PIK3C2B: variants seen among roughly 807,000 people sequenced by gnomAD.
The protein encoded by PIK3C2B is phosphatidylinositol-4-phosphate 3-kinase catalytic subunit type 2 beta.
In PIK3C2B, 83 loss-of-function variants were observed where a neutral mutation model predicts 184.3. That is an observed-to-expected ratio of 0.45 (90% CI 0.38 to 0.54). PIK3C2B has a LOEUF of 0.54. Ranked by LOEUF, PIK3C2B falls within the 20% of genes least tolerant of loss-of-function variation. The pLI is 0.00. For synonymous variants in PIK3C2B, 779 were observed against 837.6 expected, an observed-to-expected ratio of 0.93 and a Z score of 1.21; for missense variants, 1,736 against 2,113.5, an observed-to-expected ratio of 0.82 and a Z score of 3.50.
chr1:204,435,269 G>A (rs1258161518), intron 23 of PIK3C2B: 1 of 152,142 alleles, frequency 6.6e-6, no homozygotes, highest in Non-Finnish European at 1.5e-5. Flanking sequence ...AGCAGGAGAG[G>A]AGTGGTGAGG....
intron 30 of PIK3C2B, 81 bp from the exon 31 acceptor site, chr1:204,427,835 C>A: frequency 1.1e-6 from 1 of 946,314 alleles, no homozygotes. Flanking sequence ...CTTGCCCCAG[C>A]CTCTCCATGT....
Position 204,468,965 on chromosome 1 carries a change from T to C in PIK3C2B, c.838A>G (p.Met280Val), listed in dbSNP as rs1268038532. 10 of 1,614,184 alleles carry C rather than the reference T, an allele frequency of 6.2e-6. No individual in the cohort carries two copies. The highest frequency in any genetic ancestry group is 2.2e-5 in the East Asian group (1 of 44,880). ...SGKPVARSKT[M>V]PPQVPPRTYA... Reference sequence around the variant, plus strand: ...GTGCGGGGGGGCACCTGAGGGGGCATAGTCTTGCTCCTGGCCACGGGTTTT... The same window carrying C: ...GTGCGGGGGGGCACCTGAGGGGGCACAGTCTTGCTCCTGGCCACGGGTTTT... The change falls in exon 2 of 33, where the codon ATG (methionine) becomes GTG (valine). Residue 280 changes from methionine to valine, a missense_variant. Coordinates refer to ENST00000684373, the MANE Select transcript of PIK3C2B (RefSeq NM_001377334.1).
At chr1:204,444,575 A>C (rs1453914311) in intron 16 of PIK3C2B, 151 bp from the exon 17 acceptor site, 1 of 624,674 alleles carries the variant, frequency 1.6e-6, no homozygotes, top group Non-Finnish European at 2.8e-6. Flanking sequence ...AATCCTTAGC[A>C]ACTTCCCTGG....
At chr1:204,425,810 G>A (rs1211417775) in intron 31 of PIK3C2B, 69 bp from the exon 32 acceptor site, 2 of 1,439,402 alleles carry the variant, frequency 1.4e-6, no homozygotes, top group Non-Finnish European at 1.9e-6. Flanking sequence ...CCATTCCTGT[G>A]ATCACACTCT....
intron 12 of PIK3C2B, among the ~76,000 whole-genome samples, chr1:204,452,989 C>T (rs1350907339): frequency 6.6e-6 from 1 of 152,044 alleles, no homozygotes; most frequent in African/African-American, 2.4e-5. Flanking sequence ...TAAGAATTAC[C>T]TAAGTGTGAA....
rs945262876 is a variant in PIK3C2B, at chr1:204,459,090, CTA to C, written c.1566+786_1566+787del. Among the ~76,000 whole-genome samples the C allele has an allele frequency of 1.6e-4, 4 of 24,424 alleles. No individual in the cohort carries two copies. In the Non-Finnish European group the frequency reaches 5.1e-3, roughly 31 times the overall value. 16.0% of individuals were successfully genotyped at this position (24,424 alleles called of 152,430 possible). ...AGTGCAATGGTGTGATCATAGCTCA[CTA>C]CACAGCCCCAAACTCCTGGGCTCAA... On this transcript the variant is annotated intron_variant, in intron 8 of 32. Coordinates refer to ENST00000684373, the MANE Select transcript of PIK3C2B (RefSeq NM_001377334.1).
Position 204,469,673 on chromosome 1 carries a change from T to C in PIK3C2B, c.130A>G (p.Lys44Glu), listed in dbSNP as rs371498181. 7.4e-6 allele frequency: 12 copies of C among 1,613,876 alleles called. No homozygotes were observed. The highest frequency in any genetic ancestry group is 1.0e-5 in the Non-Finnish European group (12 of 1,179,984). ...YDALSRLRHD[K>E]EENRAKQNAD... ...TTCTGCTTGGCTCTGTTCTCCTCCT[T>C]GTCATGCCGGAGCCGGGACAGGGCA... The change falls in exon 2 of 33, where the codon AAG becomes GAG. Residue 44 changes from lysine (K) to glutamate (E), a missense_variant. Coordinates refer to ENST00000684373, the MANE Select transcript of PIK3C2B (RefSeq NM_001377334.1).
chr1:204,458,828 C>T (rs1655085476), intron 8 of PIK3C2B, among the ~76,000 whole-genome samples: 1 of 151,994 alleles, frequency 6.6e-6, no homozygotes, highest in Admixed American at 6.6e-5. Flanking sequence ...CTCTACCCAT[C>T]GTAGCCACTA....
At chr1:204,472,233 G>A (rs540131260) in intron 1 of PIK3C2B, among the ~76,000 whole-genome samples, 57 of 150,264 alleles carry the variant, frequency 3.8e-4, no homozygotes, top group Non-Finnish European at 6.9e-4. Flanking sequence ...GCAGGATCTC[G>A]GCTCACTGCA....
At chr1:204,472,202 C>T (rs142071217) in intron 1 of PIK3C2B, among the ~76,000 whole-genome samples, 2,246 of 147,726 alleles carry the variant, frequency 0.015, 22 homozygotes, top group Middle Eastern at 0.036. Flanking sequence ...CTCACTCTGT[C>T]GCCCAGGCTG....
At chr1:204,443,713 G>A (rs907979303) in intron 18 of PIK3C2B, 116 bp from the exon 19 acceptor site, 1 of 879,888 alleles carries the variant, frequency 1.1e-6, no homozygotes. Flanking sequence ...CCGAACTTGG[G>A]AGGGAAAATA....
intron 32 of PIK3C2B, among the ~76,000 whole-genome samples, 160 bp from the exon 33 acceptor site, chr1:204,425,200 A>G (rs1674682019): frequency 6.6e-6 from 1 of 152,170 alleles, no homozygotes; most frequent in South Asian, 2.1e-4. Context: ...CACACAAGGT[A>G]CACAGACTCC....
intron 1 of PIK3C2B, among the ~76,000 whole-genome samples, chr1:204,493,998 C>T (rs575546805): frequency 1.1e-4 from 17 of 152,240 alleles, no homozygotes; most frequent in Admixed American, 2.0e-4. Flanking sequence ...TATTTCTTAT[C>T]TTAAATAAAC....
At position 204,449,889 on chromosome 1, in the gene PIK3C2B, G is replaced by T. The variant is rs761711313; in HGVS notation, c.2195C>A (p.Ala732Asp). The change falls in exon 13 of 33, where the codon GCC (alanine) becomes GAC (aspartate). Residue 732 changes from alanine to aspartate, a missense_variant. Transcript: ENST00000684373. ...EANKQRRVPE[A>D]LGWVTTPLFN... ...GAGTGGGGTAGTGACCCAGCCCAGG[G>T]CTTCAGGCACCCGCCGCTGCTTATT... 4.3e-6 allele frequency: 7 copies of T among 1,613,320 alleles called. No individual in the cohort carries two copies. The highest frequency in any genetic ancestry group is 5.9e-6 in the Non-Finnish European group (7 of 1,179,630).
chr1:204,434,103 A>C (rs553980400), intron 24 of PIK3C2B, among the ~76,000 whole-genome samples, 154 bp from the exon 25 acceptor site: 1 of 152,196 alleles, frequency 6.6e-6, no homozygotes, highest in Non-Finnish European at 1.5e-5. Context: ...TTCCTACCTT[A>C]ATCTTAAAAG....
chr1:204,449,225 C>T lies in PIK3C2B; in HGVS notation c.2306G>A (p.Ser769Asn). ...ATQENPSARW[S>N]APNFHQPDSV... ...GTCTGGCTGGTGGAAATTAGGTGCA[C>T]TCCAACGGGCGCTGGGATTTTCCTG... is the stretch of plus-strand genomic sequence containing the variant. Residue 769 changes from serine to asparagine, a missense_variant, in exon 14 of 33, where the codon AGT becomes AAT. Coordinates refer to ENST00000684373, the MANE Select transcript of PIK3C2B (RefSeq NM_001377334.1). The T allele has an allele frequency of 6.2e-7, 1 of 1,613,078 alleles. No individual in the cohort carries two copies. The highest frequency in any genetic ancestry group is 8.5e-7 in the Non-Finnish European group (1 of 1,179,814).
chr1:204,449,317 G>C, intron 13 of PIK3C2B, 21 bp from the exon 14 acceptor site: 6 of 1,562,934 alleles, frequency 3.8e-6, no homozygotes, highest in Non-Finnish European at 5.3e-6. Context: ...GGGAGAGTGG[G>C]AAGAGCTGCT....
intron 1 of PIK3C2B, chr1:204,489,785 G>A: frequency 2.5e-6 from 1 of 397,280 alleles, no homozygotes; most frequent in East Asian, 3.6e-5. Flanking sequence ...GCTTTGCTTA[G>A]TTTATTACCT....
At chr1:204,434,996 C>G (rs1675265890) in intron 23 of PIK3C2B, among the ~76,000 whole-genome samples, 1 of 152,158 alleles carries the variant, frequency 6.6e-6, no homozygotes, top group Non-Finnish European at 1.5e-5. Flanking sequence ...CCCAACTGGC[C>G]GTGATGATCT....
Sources: allele counts gnomAD v4.1 joint callset (sites outside exome capture counted in the v4.1 genomes callset), GRCh38; gene constraint gnomAD v4.1.1; transcripts MANE v1.5; gene names NCBI Gene and HGNC (gene_info 2026-07-23, HGNC 2026-07-21).